PALM2AKAP2: variants seen among roughly 807,000 people sequenced by gnomAD.
The protein encoded by PALM2AKAP2 is PALM2-AKAP2 fusion protein.
In PALM2AKAP2, 37 loss-of-function variants were observed where a neutral mutation model predicts 71.5. The observed-to-expected ratio is 0.52, with a 90% confidence interval of 0.40 to 0.68. The LOEUF (loss-of-function observed/expected upper bound fraction) is 0.68, where lower values mean the gene tolerates loss of function less well. Among genes scored for constraint, PALM2AKAP2 ranks in the 30% least tolerant of loss-of-function variants. PALM2AKAP2 has a pLI of 0.00. For missense variants in PALM2AKAP2, 1,224 were observed against 1,191.8 expected (o/e 1.03, Z -0.40); for synonymous variants, 468 against 478.8 (o/e 0.98, Z 0.29).
chr9:109,648,966 C>A (rs35533417), intron 1 of PALM2AKAP2, among the ~76,000 whole-genome samples: 1 of 152,068 alleles, frequency 6.6e-6, no homozygotes, highest in Non-Finnish European at 1.5e-5. Context: ...CCATTGTGTT[C>A]TGGCATTGAC....
chr9:109,968,414 A>G lies in PALM2AKAP2; in HGVS notation c.496+36386A>G, dbSNP rs184821232. On this transcript the variant is annotated intron_variant, in intron 6 of 9. Transcript: ENST00000302798. ...ATCTCATTTCTAAGCAGCTCTCTCTATTTCCTGTTTATAGCCCAAACTGAG... is the reference window on the plus strand; with the variant it reads ...ATCTCATTTCTAAGCAGCTCTCTCTGTTTCCTGTTTATAGCCCAAACTGAG... Among the ~76,000 whole-genome samples the G allele has an allele frequency of 1.3e-3, 196 of 152,232 alleles. 2 individuals are homozygous for G. The highest frequency in any genetic ancestry group is 4.5e-3 in the African/African-American group (187 of 41,520).
At chr9:110,148,508 C>T (rs1318088439) in intron 2 of PALM2AKAP2, 2 of 152,204 alleles carry the variant, frequency 1.3e-5, no homozygotes, top group Admixed American at 6.5e-5. Flanking sequence ...CAGCTGGAAC[C>T]GCACAAGTCC....
intron 3 of PALM2AKAP2, among the ~76,000 whole-genome samples, chr9:110,156,866 C>T (rs1046565673): frequency 6.6e-6 from 1 of 152,230 alleles, no homozygotes; most frequent in East Asian, 1.9e-4. Context: ...TACCATTGCC[C>T]AGTAGAGATT....
chr9:110,002,636 A>T (rs1044620793), intron 6 of PALM2AKAP2, among the ~76,000 whole-genome samples: 1 of 152,236 alleles, frequency 6.6e-6, no homozygotes, highest in Non-Finnish European at 1.5e-5. Flanking sequence ...CTCTGGTAGA[A>T]TTCAGCTGTG....
At chr9:110,081,505 A>G (rs372645068) in intron 1 of PALM2AKAP2, among the ~76,000 whole-genome samples, 7 of 152,274 alleles carry the variant, frequency 4.6e-5, no homozygotes, top group African/African-American at 1.7e-4. Context: ...AACATACCAC[A>G]TTACTCTCTG....
intron 1 of PALM2AKAP2, among the ~76,000 whole-genome samples, chr9:109,680,220 A>G (rs1827708395): frequency 6.6e-6 from 1 of 152,204 alleles, no homozygotes; most frequent in Admixed American, 6.5e-5. Context: ...AATGATGCAG[A>G]TTATGTTTAA....
chr9:109,946,672 A>G (rs1831513880), intron 6 of PALM2AKAP2: 1 of 137,444 alleles, frequency 7.3e-6, no homozygotes, highest in African/African-American at 2.7e-5. Context: ...GGCAACAAAG[A>G]GCGAAACTCC....
At chr9:109,886,681 C>G (rs556000755) in intron 3 of PALM2AKAP2, among the ~76,000 whole-genome samples, 72 of 152,308 alleles carry the variant, frequency 4.7e-4, no homozygotes, top group Admixed American at 1.2e-3. Flanking sequence ...TGAGCCATCT[C>G]TCGGGATCTT....
rs896596616 is a variant in PALM2AKAP2, at chr9:109,760,066, C to A, written c.6-20422C>A. Among the ~76,000 whole-genome samples the A allele has an allele frequency of 3.9e-5, 6 of 152,260 alleles. No individual in the cohort carries two copies. The East Asian group carries it at 9.6e-4, about 24-fold the overall frequency. On this transcript the variant is annotated intron_variant, in intron 1 of 6. Transcript: ENST00000374531. ...TCTGTTGTCAAGCCACCCTCTTCAC[C>A]CTCAGCCCCTATTGATCACTGATTC... is the stretch of plus-strand genomic sequence containing the variant.
At chr9:109,844,764 G>T (rs1828803491) in intron 1 of PALM2AKAP2, among the ~76,000 whole-genome samples, 2 of 152,184 alleles carry the variant, frequency 1.3e-5, no homozygotes, top group African/African-American at 4.8e-5. Flanking sequence ...TTCTGTGTGT[G>T]CTGCTCCACT....
At chr9:109,705,584 C>G (rs1293094783) in intron 1 of PALM2AKAP2, among the ~76,000 whole-genome samples, 1 of 152,150 alleles carries the variant, frequency 6.6e-6, no homozygotes, top group Non-Finnish European at 1.5e-5. Context: ...TGCTATGTGA[C>G]CCACATTTGA....
At chr9:109,649,193 G>A (rs1263856499) in intron 1 of PALM2AKAP2, among the ~76,000 whole-genome samples, 2 of 151,338 alleles carry the variant, frequency 1.3e-5, no homozygotes, top group Non-Finnish European at 2.9e-5. Flanking sequence ...CCTTTGTTCT[G>A]AAGAGTCATA....
chr9:109,850,221 C>CTCT (rs1262367467), intron 1 of PALM2AKAP2, among the ~76,000 whole-genome samples: 1 of 152,180 alleles, frequency 6.6e-6, no homozygotes, highest in Admixed American at 6.5e-5. Context: ...TTTTTCTCAG[C>CTCT]TCTCACCAGG....
At chr9:109,867,536 C>T in exon 2 of PALM2AKAP2, 1 of 1,612,996 alleles carries the variant, frequency 6.2e-7, no homozygotes, top group Non-Finnish European at 8.5e-7. Context: ...GCGACAACAG[C>T]TTGACGAGCA....
chr9:109,735,945 A>C (rs1828623562), intron 1 of PALM2AKAP2, among the ~76,000 whole-genome samples: 1 of 152,210 alleles, frequency 6.6e-6, no homozygotes, highest in African/African-American at 2.4e-5. Context: ...ACTGGGACCA[A>C]ATGAGAAGAA....
At chr9:109,679,703 C>T (rs1015407789) in intron 1 of PALM2AKAP2, among the ~76,000 whole-genome samples, 2 of 152,114 alleles carry the variant, frequency 1.3e-5, no homozygotes, top group African/African-American at 2.4e-5. Context: ...GGGGTATGAG[C>T]TCTCCATCAC....
intron 1 of PALM2AKAP2, among the ~76,000 whole-genome samples, chr9:109,800,352 ACT>A (rs1314994861): frequency 3.3e-5 from 5 of 152,182 alleles, no homozygotes; most frequent in Non-Finnish European, 5.9e-5. Flanking sequence ...AAACAATAAT[ACT>A]CTGTTAGAGG....
At chr9:109,918,913 C>T (rs537514034) in intron 3 of PALM2AKAP2, among the ~76,000 whole-genome samples, 18 of 152,296 alleles carry the variant, frequency 1.2e-4, no homozygotes, top group African/African-American at 2.4e-4. Context: ...CCTCTCTCTT[C>T]GTTCCTTCTC....
chr9:110,100,292 A>G (rs533675257), intron 1 of PALM2AKAP2, among the ~76,000 whole-genome samples: 1 of 152,150 alleles, frequency 6.6e-6, no homozygotes, highest in South Asian at 2.1e-4. Context: ...AGTGGTAACA[A>G]CACGTGCAGC....
Sources: allele counts gnomAD v4.1 joint callset (sites outside exome capture counted in the v4.1 genomes callset), GRCh38; gene constraint gnomAD v4.1.1; transcripts MANE v1.5; gene names NCBI Gene and HGNC (gene_info 2026-07-23, HGNC 2026-07-21).